The following MRTFB variants were observed in gnomAD, a reference collection of about 807,000 sequenced individuals.
MRTFB encodes the protein myocardin related transcription factor B.
A neutral mutation model predicts 104.2 loss-of-function variants in MRTFB; 29 were observed. The observed-to-expected ratio is 0.28, with a 90% CI of 0.21 to 0.38. MRTFB has a LOEUF of 0.38. Among genes scored for constraint, MRTFB ranks in the 10% least tolerant of loss-of-function variants. The pLI is 1.00. For missense variants in MRTFB, 1,270 were observed against 1,341.6 expected, an observed-to-expected ratio of 0.95 and a Z score of 0.83; for synonymous variants, 535 against 519.5, an observed-to-expected ratio of 1.03 and a Z score of -0.41.
At chr16:14,028,452 G>A in the MRTFB span, among the ~76,000 whole-genome samples, 56 of 152,286 alleles carry the variant, frequency 3.7e-4, no homozygotes, top group Non-Finnish European at 6.0e-4. Context: ...CAACAGGCAG[G>A]TGGACAGTGA....
chr16:14,186,716 T>C, intron 3 of MRTFB: 1 of 1,412,348 alleles, frequency 7.1e-7, no homozygotes, highest in Non-Finnish European at 9.2e-7. Flanking sequence ...GCGGCATGAG[T>C]GTATTTGCAG....
At chr16:13,996,471 T>C in the MRTFB span, among the ~76,000 whole-genome samples, 1 of 152,072 alleles carries the variant, frequency 6.6e-6, no homozygotes, top group Non-Finnish European at 1.5e-5. Context: ...GAGAAAACAT[T>C]TAGCCTCCCT....
At chr16:14,108,873 C>T (rs2036133814) in intron 2 of MRTFB, among the ~76,000 whole-genome samples, 1 of 152,176 alleles carries the variant, frequency 6.6e-6, no homozygotes, top group Non-Finnish European at 1.5e-5. Flanking sequence ...AATACAGTAG[C>T]TTGATATTTG....
At chr16:14,039,308 A>T in the MRTFB span, among the ~76,000 whole-genome samples, 2 of 152,204 alleles carry the variant, frequency 1.3e-5, no homozygotes, top group African/African-American at 4.8e-5. Context: ...CATTGGAGAA[A>T]GCAGGAGAGC....
rs185005414 is a variant in MRTFB at position 14,197,808 on chromosome 16, C to A, written c.155-12435C>A. 5.3e-5 allele frequency among the ~76,000 whole-genome samples: 8 copies of A among 152,110 alleles called. No individual in the cohort carries two copies. The South Asian group carries it at 1.7e-3, about 32-fold the overall frequency. Reference sequence around the variant, plus strand: ...TTACCAAATTGTTAAAAGATCAAATCATTATTAATGGTTAATGGAATTATG... The same window carrying A: ...TTACCAAATTGTTAAAAGATCAAATAATTATTAATGGTTAATGGAATTATG... On this transcript the variant is annotated intron_variant, in intron 3 of 16. Coordinates refer to ENST00000571589, the MANE Select transcript of MRTFB (RefSeq NM_001308142.2).
chr16:14,049,449 C>A, the MRTFB span, among the ~76,000 whole-genome samples: 2 of 152,176 alleles, frequency 1.3e-5, no homozygotes, highest in African/African-American at 4.8e-5. Context: ...AGCTTGGATT[C>A]TCTTTGCTAA....
chr16:14,098,313 T>C (rs1050581810), intron 2 of MRTFB, among the ~76,000 whole-genome samples: 2 of 152,230 alleles, frequency 1.3e-5, no homozygotes, highest in African/African-American at 4.8e-5. Context: ...GGTTTTAATT[T>C]GCATTTTCCT....
chr16:14,178,377 T>TA (rs1183422268), intron 3 of MRTFB, among the ~76,000 whole-genome samples: 1 of 152,094 alleles, frequency 6.6e-6, no homozygotes, highest in African/African-American at 2.4e-5. Context: ...GTGCAGGAGA[T>TA]TCAAAGTCAG....
At chr16:14,230,152 C>A (rs963274030) in intron 8 of MRTFB, among the ~76,000 whole-genome samples, 4 of 151,996 alleles carry the variant, frequency 2.6e-5, no homozygotes, top group African/African-American at 9.7e-5. Context: ...TAAAGACTTA[C>A]ATGTTAGACC....
At chr16:14,096,005 G>T (rs2187665) in intron 2 of MRTFB, among the ~76,000 whole-genome samples, 6 of 151,978 alleles carry the variant, frequency 3.9e-5, no homozygotes, top group African/African-American at 1.5e-4. Flanking sequence ...GGTTAGTACA[G>T]TTGTTCTTTT....
At chr16:14,109,270 C>A (rs1015532700) in intron 2 of MRTFB, among the ~76,000 whole-genome samples, 1 of 152,018 alleles carries the variant, frequency 6.6e-6, no homozygotes, top group Non-Finnish European at 1.5e-5. Context: ...TTAGTTTACA[C>A]GCATAAAAAT....
intron 3 of MRTFB, among the ~76,000 whole-genome samples, chr16:14,168,689 A>G (rs1323571550): frequency 6.6e-6 from 1 of 152,232 alleles, no homozygotes; most frequent in Non-Finnish European, 1.5e-5. Context: ...TAAAGCTGCT[A>G]TGAATAGTCT....
chr16:14,163,159 T>C (rs2039105513), intron 3 of MRTFB, among the ~76,000 whole-genome samples: 1 of 152,228 alleles, frequency 6.6e-6, no homozygotes, highest in African/African-American at 2.4e-5. Context: ...AGACTATATC[T>C]CATTGAGGGT....
chr16:14,035,606 G>A, the MRTFB span, among the ~76,000 whole-genome samples: 4 of 152,100 alleles, frequency 2.6e-5, no homozygotes, highest in Non-Finnish European at 5.9e-5. Flanking sequence ...ATGACTCTAT[G>A]AGGTATGTGT....
At chr16:14,160,687 GAAAA>G (rs60056032) in intron 3 of MRTFB, among the ~76,000 whole-genome samples, 1 of 145,706 alleles carries the variant, frequency 6.9e-6, no homozygotes, top group Admixed American at 6.8e-5. Context: ...CTATTCTGAG[GAAAA>G]AAAAAAGCTT....
chr16:14,046,706 C>G, the MRTFB span, among the ~76,000 whole-genome samples: 1 of 152,160 alleles, frequency 6.6e-6, no homozygotes, highest in East Asian at 1.9e-4. Context: ...TAATCAATAG[C>G]CTGACTTGTC....
chr16:14,252,085 C>G, intron 14 of MRTFB, 62 bp downstream of exon 14: 1 of 1,563,884 alleles, frequency 6.4e-7, no homozygotes, highest in Non-Finnish European at 8.7e-7. Context: ...CATTCCAAAG[C>G]CTAGTGCTTT....
At chr16:14,118,413 AT>A (rs2036658378) in intron 2 of MRTFB, among the ~76,000 whole-genome samples, 1 of 151,614 alleles carries the variant, frequency 6.6e-6, no homozygotes, top group Admixed American at 6.6e-5. Flanking sequence ...AAGTGCTGGA[AT>A]TACAGGCGTT....
the MRTFB span, among the ~76,000 whole-genome samples, chr16:14,028,631 G>A: frequency 2.6e-5 from 4 of 152,188 alleles, no homozygotes; most frequent in South Asian, 4.1e-4. Context: ...CCTGCAACTC[G>A]GAATTTTACT....
Sources: gnomAD v4.1 joint callset for allele counts (sites outside exome capture counted in the v4.1 genomes callset) on GRCh38, gnomAD v4.1.1 for gene constraint, MANE v1.5 for transcripts, NCBI Gene and HGNC (gene_info 2026-07-23, HGNC 2026-07-21) for gene names.